The following IFRD1 variants were observed in gnomAD, a reference collection of about 807,000 sequenced individuals.
IFRD1 encodes interferon related developmental regulator 1.
Under a neutral mutation model 52.9 loss-of-function variants are expected in IFRD1, and 35 were observed. That is an observed-to-expected ratio of 0.66 (90% confidence interval 0.51 to 0.88). IFRD1 has a LOEUF of 0.88. Among genes scored for constraint, IFRD1 ranks in the 40% least tolerant of loss-of-function variants. The probability of loss-of-function intolerance (pLI) is 0.00; values close to 1 mark genes in which losing one functional copy is unlikely to be tolerated. For missense variants in IFRD1, 517 were observed against 550.8 expected (o/e 0.94, Z 0.61); for synonymous variants, 184 against 188.4 (o/e 0.98, Z 0.19).
intron 1 of IFRD1, among the ~76,000 whole-genome samples, chr7:112,429,821 G>T (rs1485941605): frequency 6.6e-6 from 1 of 152,140 alleles, no homozygotes; most frequent in African/African-American, 2.4e-5. Flanking sequence ...ATTGCAGCTT[G>T]GTTAAGTTTT....
In IFRD1 at chr7:112,468,182, A is replaced by T. The variant is rs1356130807; in HGVS notation, c.1041+67A>T. The T allele has an allele frequency of 1.0e-5, 15 of 1,500,150 alleles. No homozygotes were observed. The Admixed American group carries it at 2.5e-4, about 25-fold the overall frequency. 92.9% of individuals were successfully genotyped at this position (1,500,150 alleles called of 1,614,324 possible). A position where few individuals can be genotyped will look rare whatever the true frequency, so the allele number is the denominator to read the frequency against. On this transcript the variant is annotated intron_variant, in intron 9 of 11. Transcript: ENST00000403825. ...TGGATTGTTTCAGGCTGAACTTGACAATTGTACCATTTTGTTGATTGAATT... is the reference window on the plus strand; with the variant it reads ...TGGATTGTTTCAGGCTGAACTTGACTATTGTACCATTTTGTTGATTGAATT...
chr7:112,450,693 C>T lies in IFRD1; in HGVS notation c.5C>T (p.Pro2Leu), dbSNP rs144427603. 2.5e-4 allele frequency: 398 copies of T among 1,612,560 alleles called. No individual in the cohort carries two copies. Among genetic ancestry groups the T allele is most frequent in the Non-Finnish European group, 3.3e-4 (385 of 1,179,746 alleles). M[P>L]KNKKRNTPHR... is the part of the protein sequence containing the mutation. ...GGCGGCACCGGGCGTCCCACGATGC[C>T]GAAGAACAAGAAGCGGAACACTCCC... Residue 2 changes from proline (P) to leucine (L), a missense_variant, in exon 1 of 12, where the codon CCG becomes CTG. Pro to Leu is a moderately conservative substitution (Grantham distance 98, BLOSUM62 -3). Coordinates refer to ENST00000403825, the MANE Select transcript of IFRD1 (RefSeq NM_001550.4).
chr7:112,445,286 T>G (rs1379456504), intron 1 of IFRD1, among the ~76,000 whole-genome samples: 4 of 152,002 alleles, frequency 2.6e-5, no homozygotes, highest in African/African-American at 9.7e-5. Context: ...CAGGATGGTC[T>G]CGATCTCCTG....
intron 8 of IFRD1, among the ~76,000 whole-genome samples, chr7:112,463,591 C>G (rs1433399064): frequency 6.6e-6 from 1 of 152,076 alleles, no homozygotes; most frequent in Non-Finnish European, 1.5e-5. Flanking sequence ...TCAAATTTAG[C>G]AATCAATTTA....
At position 112,456,191 on chromosome 7, in the gene IFRD1, G is replaced by A. The variant is rs546312440; in HGVS notation, c.284+105G>A. 3.9e-6 allele frequency: 3 copies of A among 759,708 alleles called. No homozygotes were observed. The Admixed American group carries it at 5.8e-5, about 15-fold the overall frequency. The allele number at this position is 759,708 out of a possible 1,614,324, so 47.1% of individuals were successfully genotyped here. On this transcript the variant is annotated intron_variant, in intron 3 of 11. Transcript: ENST00000403825. Reference sequence around the variant, plus strand: ...GTGATTCTAATCAGTTACCTTACATGTATATAATTTGTGCAGCTCTCAGAT... The same window carrying A: ...GTGATTCTAATCAGTTACCTTACATATATATAATTTGTGCAGCTCTCAGAT...
chr7:112,442,148 G>C (rs559364406), intron 1 of IFRD1, among the ~76,000 whole-genome samples: 1 of 152,278 alleles, frequency 6.6e-6, no homozygotes, highest in African/African-American at 2.4e-5. Context: ...TGACCCTCCA[G>C]CACAGTATAT....
intron 8 of IFRD1, among the ~76,000 whole-genome samples, chr7:112,466,389 T>G (rs918264353): frequency 7.9e-5 from 12 of 152,212 alleles, no homozygotes; most frequent in African/African-American, 2.9e-4. Flanking sequence ...TTGCTAAGAT[T>G]ATATTACCGT....
At chr7:112,470,646 A>G (rs1315111222) in intron 9 of IFRD1, among the ~76,000 whole-genome samples, 1 of 152,180 alleles carries the variant, frequency 6.6e-6, no homozygotes, top group Non-Finnish European at 1.5e-5. Context: ...CTTAATATCC[A>G]TGAGGCATTG....
At chr7:112,423,821 A>G (rs1273729482) in intron 1 of IFRD1, among the ~76,000 whole-genome samples, 1 of 152,018 alleles carries the variant, frequency 6.6e-6, no homozygotes, top group Non-Finnish European at 1.5e-5. Flanking sequence ...TGTTATCTCC[A>G]TTTTTCATAT....
At chr7:112,471,555 A>C (rs1795745910) in intron 9 of IFRD1, among the ~76,000 whole-genome samples, 1 of 151,940 alleles carries the variant, frequency 6.6e-6, no homozygotes, top group African/African-American at 2.4e-5. Flanking sequence ...TCTTCTTAAC[A>C]AGTTCTGCCA....
At chr7:112,454,623 A>G (rs1169620110) in intron 1 of IFRD1, among the ~76,000 whole-genome samples, 1 of 152,136 alleles carries the variant, frequency 6.6e-6, no homozygotes, top group Non-Finnish European at 1.5e-5. Flanking sequence ...TCTCACTTCA[A>G]GTTGTCTTTA....
At chr7:112,456,766 ATAT>A in intron 3 of IFRD1, 145 bp from the exon 4 acceptor site, 1 of 726,390 alleles carries the variant, frequency 1.4e-6, no homozygotes, top group South Asian at 1.8e-5. Flanking sequence ...AAATTAAATT[ATAT>A]TATTGACAAA....
intron 5 of IFRD1, 27 bp downstream of exon 5, chr7:112,459,045 G>A (rs1584491593): frequency 2.5e-6 from 4 of 1,591,096 alleles, no homozygotes; most frequent in Admixed American, 1.7e-5. Context: ...TACATTTATA[G>A]ATCTGTCTAT....
At chr7:112,457,228 C>CA (rs199645932) in intron 4 of IFRD1, 190 bp downstream of exon 4, 230 of 574,280 alleles carry the variant, frequency 4.0e-4, no homozygotes, top group South Asian at 7.0e-4. Flanking sequence ...TTACGTAAAC[C>CA]AAAAAAAAAT....
intron 1 of IFRD1, among the ~76,000 whole-genome samples, chr7:112,427,465 A>G (rs1285760167): frequency 6.6e-6 from 1 of 152,234 alleles, no homozygotes; most frequent in Non-Finnish European, 1.5e-5. Context: ...CATTTACACT[A>G]CATTTTCATC....
At position 112,450,594 on chromosome 7, in the gene IFRD1, C is replaced by A; in HGVS notation, c.-95C>A. ...TGTTGTTAGCCGAAGACTCGCCTCT[C>A]AGCCGCCCGCCGCACAGACGCACGA... On this transcript the variant is annotated 5_prime_UTR_variant, in exon 1 of 12. Coordinates refer to ENST00000403825, the MANE Select transcript of IFRD1 (RefSeq NM_001550.4). The A allele has an allele frequency of 1.0e-6, 1 of 998,396 alleles. No individual in the cohort carries two copies. The highest frequency in any genetic ancestry group is 1.6e-6 in the Non-Finnish European group (1 of 631,958). The allele number at this position is 998,396 out of a possible 1,614,324, so 61.8% of individuals were successfully genotyped here. A position where few individuals can be genotyped will look rare whatever the true frequency, so the allele number is the denominator to read the frequency against.
In IFRD1 at chr7:112,455,877, T is replaced by C; in HGVS notation, c.199+10T>C. 1.3e-6 allele frequency: 2 copies of C among 1,576,868 alleles called. No homozygotes were observed. The highest frequency in any genetic ancestry group is 1.7e-6 in the Non-Finnish European group (2 of 1,146,064). ...AGTTTTGCTGAAGATGGTATGAGTT[T>C]TAAATTTAAATTTGCAACTTTAGAT... On this transcript the variant is annotated intron_variant, in intron 2 of 11. Transcript: ENST00000403825.
In IFRD1 at chr7:112,464,350, A is replaced by G. The variant is rs180929133; in HGVS notation, c.906+1972A>G. 1.8e-4 allele frequency among the ~76,000 whole-genome samples: 27 copies of G among 151,530 alleles called. 1 individual carries two copies. Among genetic ancestry groups the G allele is most frequent in the Admixed American group, 1.4e-3 (22 of 15,226 alleles). ...AAATAATAATAATAAACTGTGTTCA[A>G]AGTTGAAATTAGTAATTATTACTCC... On this transcript the variant is annotated intron_variant, in intron 8 of 11. Transcript: ENST00000403825.
At chr7:112,451,933 G>A (rs1795175935) in intron 1 of IFRD1, 1 of 838,482 alleles carries the variant, frequency 1.2e-6, no homozygotes, top group Non-Finnish European at 1.4e-6. Flanking sequence ...GTTGTTAAAG[G>A]TTATTGGAAA....
Sources: allele counts gnomAD v4.1 joint callset (sites outside exome capture counted in the v4.1 genomes callset), GRCh38; gene constraint gnomAD v4.1.1; transcripts MANE v1.5; gene names NCBI Gene and HGNC (gene_info 2026-07-23, HGNC 2026-07-21).